The following ZMYM2 variants were observed in gnomAD, a reference collection of about 807,000 sequenced individuals.
The protein encoded by ZMYM2 is zinc finger MYM-type protein 2.
Under a neutral mutation model 162.8 loss-of-function variants are expected in ZMYM2, and 56 were observed. The ratio of observed to expected loss-of-function variants is 0.34; its 90% CI spans 0.28 to 0.43. ZMYM2 has a LOEUF of 0.43. ZMYM2 is among the 20% of genes least tolerant of loss of function. The probability of loss-of-function intolerance (pLI) is 1.00; values close to 1 mark genes in which losing one functional copy is unlikely to be tolerated. For missense variants in ZMYM2, 1,275 were observed against 1,621.8 expected (o/e 0.79, Z 3.67); for synonymous variants, 510 against 541.6 (o/e 0.94, Z 0.81).
intron 7 of ZMYM2, among the ~76,000 whole-genome samples, chr13:20,021,584 T>C (rs1159019618): frequency 6.6e-6 from 1 of 152,196 alleles, no homozygotes; most frequent in African/African-American, 2.4e-5. Context: ...AACTTTAGCC[T>C]GGGGCTATTT....
chr13:19,881,897 G>A, the ZMYM2 span, among the ~76,000 whole-genome samples: 1 of 148,726 alleles, frequency 6.7e-6, no homozygotes. Flanking sequence ...CAAGAGAATC[G>A]CTTGAACTTG....
intron 2 of ZMYM2, among the ~76,000 whole-genome samples, chr13:19,981,309 A>G (rs1338045802): frequency 6.9e-6 from 1 of 144,582 alleles, no homozygotes; most frequent in African/African-American, 2.9e-5. Flanking sequence ...AAACAAAAAA[A>G]AAAACAAAAA....
At chr13:20,029,221 C>T (rs1952854440) in intron 9 of ZMYM2, among the ~76,000 whole-genome samples, 2 of 152,208 alleles carry the variant, frequency 1.3e-5, no homozygotes. Flanking sequence ...TAGATGGTAC[C>T]TTCTTGCTGT....
At chr13:19,919,881 G>A in the ZMYM2 span, among the ~76,000 whole-genome samples, 1 of 151,926 alleles carries the variant, frequency 6.6e-6, no homozygotes, top group African/African-American at 2.4e-5. Context: ...CACCATGTTG[G>A]CCAGTCTGGT....
At chr13:19,867,739 C>T in the ZMYM2 span, among the ~76,000 whole-genome samples, 1,240 of 152,228 alleles carry the variant, frequency 8.1e-3, 20 homozygotes, top group African/African-American at 0.027. Flanking sequence ...GATTCTCCTG[C>T]CTCAGACTCT....
chr13:19,933,686 A>C, the ZMYM2 span, among the ~76,000 whole-genome samples: 1 of 152,190 alleles, frequency 6.6e-6, no homozygotes, highest in Non-Finnish European at 1.5e-5. Flanking sequence ...CCTATGTAGA[A>C]TTCTGGAGCT....
chr13:19,964,791 C>T (rs144672527), intron 2 of ZMYM2, among the ~76,000 whole-genome samples: 2 of 151,388 alleles, frequency 1.3e-5, no homozygotes, highest in East Asian at 1.9e-4. Flanking sequence ...ATAAGTTAGT[C>T]TAAAGAGTTT....
the ZMYM2 span, among the ~76,000 whole-genome samples, chr13:19,935,215 A>C: frequency 6.6e-6 from 1 of 152,086 alleles, no homozygotes; most frequent in Non-Finnish European, 1.5e-5. Flanking sequence ...GCTCACTGCA[A>C]TACCTGCCTC....
chr13:19,987,572 C>CAT (rs1555287951), intron 2 of ZMYM2, among the ~76,000 whole-genome samples: 1 of 133,244 alleles, frequency 7.5e-6, no homozygotes, highest in East Asian at 2.3e-4. Context: ...CGCCCCGCTA[C>CAT]GTGTGTGTGT....
chr13:19,918,322 A>G, the ZMYM2 span, among the ~76,000 whole-genome samples: 4 of 150,612 alleles, frequency 2.7e-5, no homozygotes, highest in Non-Finnish European at 4.4e-5. Context: ...GCAGGCGCCT[A>G]TAGTCCCAGA....
chr13:19,947,398 T>C, the ZMYM2 span, among the ~76,000 whole-genome samples: 1 of 151,824 alleles, frequency 6.6e-6, no homozygotes, highest in African/African-American at 2.4e-5. Flanking sequence ...AGTACAATTC[T>C]TGATGTAGGC....
At chr13:20,049,984 C>T (rs1159239020) in intron 12 of ZMYM2, among the ~76,000 whole-genome samples, 3 of 151,864 alleles carry the variant, frequency 2.0e-5, no homozygotes, top group Non-Finnish European at 4.4e-5. Context: ...ATGGTTATTT[C>T]GAAGAACAGT....
intron 11 of ZMYM2, among the ~76,000 whole-genome samples, chr13:20,036,363 C>T (rs1339749140): frequency 6.6e-6 from 1 of 151,866 alleles, no homozygotes; most frequent in East Asian, 1.9e-4. Context: ...TTACTCAGAG[C>T]CTCTCAGTAG....
chr13:20,083,863 G>T, intron 24 of ZMYM2, 87 bp downstream of exon 24: 1 of 1,317,692 alleles, frequency 7.6e-7, no homozygotes, highest in Non-Finnish European at 1.0e-6. Context: ...GACTTTTTTA[G>T]ATGGATTCTT....
chr13:19,950,417 G>A, the ZMYM2 span, among the ~76,000 whole-genome samples: 1 of 152,302 alleles, frequency 6.6e-6, no homozygotes, highest in East Asian at 1.9e-4. Flanking sequence ...TCCCCTTACA[G>A]GGTGAACTGC....
At chr13:19,964,926 G>A (rs2139138183) in intron 2 of ZMYM2, among the ~76,000 whole-genome samples, 1 of 152,222 alleles carries the variant, frequency 6.6e-6, no homozygotes, top group Non-Finnish European at 1.5e-5. Flanking sequence ...GGAAAGATCT[G>A]TTAAAACTCT....
At position 20,087,421 on chromosome 13, in the gene ZMYM2, T is replaced by G. The variant is rs2141092860; in HGVS notation, c.*1407T>G. ...GAAATCATTTGGCTCTTTTCTAGCA[T>G]GTGTGTAATCATGTTTTCTTCTGAT... On this transcript the variant is annotated 3_prime_UTR_variant, in exon 25 of 25. Coordinates refer to ENST00000610343, the MANE Select transcript of ZMYM2 (RefSeq NM_197968.4). 5.3e-6 allele frequency: 1 copy of G among 190,188 alleles called. No individual in the cohort carries two copies. The highest frequency in any genetic ancestry group is 6.2e-5 in the Admixed American group (1 of 16,232). The allele number at this position is 190,188 out of a possible 1,614,324, so 11.8% of individuals were successfully genotyped here.
At chr13:20,044,079 A>C (rs1462411035) in intron 12 of ZMYM2, among the ~76,000 whole-genome samples, 1 of 152,106 alleles carries the variant, frequency 6.6e-6, no homozygotes, top group Non-Finnish European at 1.5e-5. Flanking sequence ...ACCTCCCCGC[A>C]GAGTTCAGAT....
the ZMYM2 span, among the ~76,000 whole-genome samples, chr13:19,926,828 T>C: frequency 6.6e-6 from 1 of 152,138 alleles, no homozygotes; most frequent in African/African-American, 2.4e-5. Flanking sequence ...TCACTACGCC[T>C]GGCTAATTTT....
Sources: allele counts gnomAD v4.1 joint callset (sites outside exome capture counted in the v4.1 genomes callset), GRCh38; gene constraint gnomAD v4.1.1; transcripts MANE v1.5; gene names NCBI Gene and HGNC (gene_info 2026-07-23, HGNC 2026-07-21).